Variants in STON2 observed in about 807,000 individuals in gnomAD.
STON2 encodes the protein stonin-2.
A neutral mutation model predicts 65.7 loss-of-function variants in STON2; 29 were observed. The observed-to-expected ratio is 0.44, with a 90% CI of 0.33 to 0.60. STON2 has a LOEUF of 0.60. Ranked by LOEUF, STON2 falls within the 20% of genes least tolerant of loss-of-function variation. The probability of loss-of-function intolerance (pLI) is 0.03; values close to 1 mark genes in which losing one functional copy is unlikely to be tolerated. For synonymous variants in STON2, 404 were observed against 414.2 expected (o/e 0.98, Z 0.30); for missense variants, 1,054 against 1,118.1 (o/e 0.94, Z 0.82).
At chr14:81,359,693 A>G (rs556784027) in intron 4 of STON2, among the ~76,000 whole-genome samples, 3 of 152,298 alleles carry the variant, frequency 2.0e-5, no homozygotes, top group South Asian at 2.1e-4. Context: ...AGACATTACA[A>G]CTAATCACAG....
intron 4 of STON2, among the ~76,000 whole-genome samples, chr14:81,346,486 G>C (rs1049440723): frequency 6.6e-6 from 1 of 152,138 alleles, no homozygotes; most frequent in Non-Finnish European, 1.5e-5. Flanking sequence ...AGGAAGTCAA[G>C]AGACTTTCTA....
chr14:81,300,965 T>A (rs1446450302), intron 5 of STON2, among the ~76,000 whole-genome samples: 2 of 152,216 alleles, frequency 1.3e-5, no homozygotes, highest in African/African-American at 4.8e-5. Flanking sequence ...GCAAAGAGTA[T>A]CATATTCATA....
chr14:81,324,574 A>C (rs1307072276), intron 4 of STON2, among the ~76,000 whole-genome samples: 1 of 152,250 alleles, frequency 6.6e-6, no homozygotes, highest in Non-Finnish European at 1.5e-5. Flanking sequence ...GGTCTGGAAG[A>C]GCCTGGAGCA....
Position 81,263,226 on chromosome 14 carries a change from C to T in STON2, c.*5188G>A, listed in dbSNP as rs546499519. On this transcript the variant is annotated 3_prime_UTR_variant, in exon 8 of 8. Transcript: ENST00000614646. The stretch of plus-strand genomic sequence containing the variant: ...TTTTGAATGTGGCCCAAGACAAATT[C>T]GTAAACTTTCTTAAAACATTATGCT... 5 of 936,434 alleles carry T rather than the reference C, an allele frequency of 5.3e-6. No individual in the cohort carries two copies. In the South Asian group the frequency reaches 2.0e-4, roughly 37 times the overall value. The allele number at this position is 936,434 out of a possible 1,614,324, so 58.0% of individuals were successfully genotyped here.
intron 6 of STON2, among the ~76,000 whole-genome samples, chr14:81,272,969 T>C (rs1345090776): frequency 6.6e-6 from 1 of 152,264 alleles, no homozygotes; most frequent in Non-Finnish European, 1.5e-5. Flanking sequence ...GAGATGACTC[T>C]GCCTTCAAAC....
In STON2 at chr14:81,263,819, A is replaced by G. The variant is rs1402799143; in HGVS notation, c.*4595T>C. 64 of 985,284 alleles carry G rather than the reference A, an allele frequency of 6.5e-5. No individual in the cohort carries two copies. Among genetic ancestry groups the G allele is most frequent in the Non-Finnish European group, 7.6e-5 (63 of 829,932 alleles). 61.0% of individuals were successfully genotyped at this position (985,284 alleles called of 1,614,324 possible). On this transcript the variant is annotated 3_prime_UTR_variant, in exon 8 of 8. Coordinates refer to ENST00000614646, the MANE Select transcript of STON2 (RefSeq NM_001394390.1). ...AGTGCTTCCTACTTAAACCAATTTAATATTCCCAAGGCTTTTAAGAAAAAA... is the reference window on the plus strand; with the variant it reads ...AGTGCTTCCTACTTAAACCAATTTAGTATTCCCAAGGCTTTTAAGAAAAAA...
chr14:81,269,918 T>G, intron 7 of STON2: 3 of 985,412 alleles, frequency 3.0e-6, no homozygotes, highest in Non-Finnish European at 3.6e-6. Context: ...TTTGTCCTGT[T>G]ATAGCCCAGT....
intron 5 of STON2, among the ~76,000 whole-genome samples, chr14:81,315,088 G>T (rs1244835880): frequency 6.6e-6 from 1 of 152,200 alleles, no homozygotes; most frequent in Non-Finnish European, 1.5e-5. Context: ...TAGAAGAATG[G>T]TAAATGCAGA....
At chr14:81,318,297 G>A (rs924232391) in intron 5 of STON2, among the ~76,000 whole-genome samples, 15 of 152,060 alleles carry the variant, frequency 9.9e-5, no homozygotes, top group African/African-American at 3.6e-4. Context: ...CCATTAGACA[G>A]ACCACAGCAG....
At chr14:81,346,595 G>C (rs116411813) in intron 4 of STON2, among the ~76,000 whole-genome samples, 1 of 152,064 alleles carries the variant, frequency 6.6e-6, no homozygotes, top group Non-Finnish European at 1.5e-5. Context: ...TATATTTATC[G>C]AACATTTATC....
At chr14:81,282,562 A>G (rs1895166441) in intron 5 of STON2, among the ~76,000 whole-genome samples, 1 of 152,216 alleles carries the variant, frequency 6.6e-6, no homozygotes, top group South Asian at 2.1e-4. Flanking sequence ...GAAAGTACGT[A>G]TGTATTAGAA....
chr14:81,430,094 A>G (rs2139928409), intron 1 of STON2, among the ~76,000 whole-genome samples: 1 of 152,230 alleles, frequency 6.6e-6, no homozygotes, highest in East Asian at 1.9e-4. Context: ...CCTAAAGACT[A>G]TGGTTCCCAC....
chr14:81,423,913 T>C (rs992028752), intron 2 of STON2, among the ~76,000 whole-genome samples: 3 of 152,214 alleles, frequency 2.0e-5, no homozygotes, highest in Non-Finnish European at 2.9e-5. Flanking sequence ...CGAGAGTCGA[T>C]GTCTGTTGAC....
chr14:81,425,176 G>A (rs1901905629), intron 2 of STON2, among the ~76,000 whole-genome samples: 2 of 152,240 alleles, frequency 1.3e-5, no homozygotes, highest in Admixed American at 1.3e-4. Flanking sequence ...AGCTTTGAGA[G>A]TGAGAGTTTT....
chr14:81,262,585 C>G lies in STON2; in HGVS notation c.*5829G>C. On this transcript the variant is annotated 3_prime_UTR_variant, in exon 8 of 8. Transcript: ENST00000614646. Reference sequence around the variant, plus strand: ...ATTGAAATTCTTTTTTTAGTCTATTCTCTTGTAGCTTTTGTTACATCCAAT... The same window carrying G: ...ATTGAAATTCTTTTTTTAGTCTATTGTCTTGTAGCTTTTGTTACATCCAAT... 1.0e-6 allele frequency: 1 copy of G among 985,328 alleles called. No individual in the cohort carries two copies. The highest frequency in any genetic ancestry group is 1.2e-6 in the Non-Finnish European group (1 of 829,882). The allele number at this position is 985,328 out of a possible 1,614,324, so 61.0% of individuals were successfully genotyped here.
intron 3 of STON2, among the ~76,000 whole-genome samples, chr14:81,376,894 C>T (rs1366141330): frequency 2.0e-5 from 3 of 152,148 alleles, no homozygotes; most frequent in East Asian, 1.9e-4. Flanking sequence ...ACTTCTTGTA[C>T]ATTTTTTCCC....
At chr14:81,310,110 C>T (rs1425026919) in intron 5 of STON2, among the ~76,000 whole-genome samples, 1 of 152,132 alleles carries the variant, frequency 6.6e-6, no homozygotes, top group African/African-American at 2.4e-5. Flanking sequence ...CCCTAAAATT[C>T]ATATATATTC....
At position 81,337,631 on chromosome 14, in the gene STON2, AAGAACGACCTTCC is replaced by A. The variant is rs1212000505; in HGVS notation, c.572-13457_572-13445del. On this transcript the variant is annotated intron_variant, in intron 4 of 7. Coordinates refer to ENST00000614646, the MANE Select transcript of STON2 (RefSeq NM_001394390.1). Reference sequence around the variant, plus strand: ...GGGAGTGAACCGTATGAAGATCTTGAAGAACGACCTTCCAGAAAGAGGGAACAGCAAGAGAAAA... The same window carrying A: ...GGGAGTGAACCGTATGAAGATCTTGAAGAAAGAGGGAACAGCAAGAGAAAA... 2.0e-5 allele frequency among the ~76,000 whole-genome samples: 3 copies of A among 152,264 alleles called. No individual in the cohort carries two copies. In the East Asian group the frequency reaches 5.8e-4, roughly 29 times the overall value.
chr14:81,432,657 G>A (rs1343079864), intron 1 of STON2, among the ~76,000 whole-genome samples: 1 of 152,228 alleles, frequency 6.6e-6, no homozygotes, highest in Non-Finnish European at 1.5e-5. Context: ...AGGATGGGAA[G>A]TCTGGGCAAA....
Sources: allele counts gnomAD v4.1 joint callset (sites outside exome capture counted in the v4.1 genomes callset), GRCh38; gene constraint gnomAD v4.1.1; transcripts MANE v1.5; gene names NCBI Gene and HGNC (gene_info 2026-07-23, HGNC 2026-07-21).